Variants in MID1 observed in about 807,000 individuals in gnomAD.
MID1 encodes the protein E3 ubiquitin-protein ligase Midline-1.
In MID1, 7 loss-of-function variants were observed where a neutral mutation model predicts 40.4. The observed-to-expected ratio is 0.17, with a 90% CI of 0.10 to 0.33. The LOEUF is 0.33. MID1 is among the 10% of genes least tolerant of loss of function. The pLI is 1.00. For missense variants in MID1, 367 were observed against 558.5 expected (o/e 0.66, Z 3.46); for synonymous variants, 229 against 221.2 (o/e 1.04, Z -0.31).
At chrX:10,726,584 C>A (rs1030704706) in intron 1 of MID1, among the ~76,000 whole-genome samples, 1 of 111,433 alleles carries the variant, frequency 9.0e-6, no homozygotes. Context: ...TACTGTCTGG[C>A]AGAATTTATG....
Position 10,636,785 on chromosome X carries a change from GATATATATATATATATATATAT to G in MID1, c.-186-16388_-186-16367del, listed in dbSNP as rs60188235. Among the ~76,000 whole-genome samples, 60 of 42,712 alleles carry G rather than the reference GATATATATATATATATATATAT, an allele frequency of 1.4e-3. 2 individuals carry two copies. Among genetic ancestry groups the G allele is most frequent in the African/African-American group, 6.4e-3 (53 of 8,305 alleles). 37.1% of individuals were successfully genotyped at this position (42,712 alleles called of 115,157 possible). A position where few individuals can be genotyped will look rare whatever the true frequency, so the allele number is the denominator to read the frequency against. On this transcript the variant is annotated intron_variant, in intron 1 of 10. Transcript: ENST00000380785. ...CAAACTGGGCCATTCCAACAATGGG[GATATATATATATATATATATAT>G]ATATATATATACACCACTGGTGACT...
intron 1 of MID1, among the ~76,000 whole-genome samples, chrX:10,614,756 C>T (rs900776230): frequency 1.2e-4 from 13 of 112,189 alleles, no homozygotes; most frequent in Non-Finnish European, 2.3e-4. Flanking sequence ...AAAACTAGTA[C>T]GAACTTCCTA....
chrX:10,714,896 C>A (rs998343015), intron 1 of MID1, among the ~76,000 whole-genome samples: 1 of 112,387 alleles, frequency 8.9e-6, no homozygotes, highest in African/African-American at 3.2e-5. Flanking sequence ...AAATAAAATT[C>A]TACCACTAAC....
At chrX:10,461,633 C>G (rs1236092712) in intron 7 of MID1, among the ~76,000 whole-genome samples, 3 of 111,312 alleles carry the variant, frequency 2.7e-5, no homozygotes, top group African/African-American at 9.8e-5. Flanking sequence ...CCCAAGAGGC[C>G]TATAACTCTC....
intron 1 of MID1, among the ~76,000 whole-genome samples, chrX:10,827,950 TAGTC>T (rs1181893656): frequency 2.7e-5 from 3 of 111,129 alleles, no homozygotes; most frequent in South Asian, 7.6e-4. Flanking sequence ...GTCTAAATAA[TAGTC>T]AGCCAATAAC....
intron 1 of MID1, among the ~76,000 whole-genome samples, chrX:10,632,741 C>T (rs1936066228): frequency 9.0e-6 from 1 of 111,446 alleles, no homozygotes; most frequent in South Asian, 3.8e-4. Context: ...TCAGGTACTC[C>T]AGCCCAAGCC....
At chrX:10,794,478 A>G (rs1181110343) in intron 1 of MID1, among the ~76,000 whole-genome samples, 4 of 112,536 alleles carry the variant, frequency 3.6e-5, no homozygotes, top group Non-Finnish European at 1.9e-5. Flanking sequence ...AAGATCAACC[A>G]TCACATAGAA....
intron 1 of MID1, among the ~76,000 whole-genome samples, chrX:10,599,344 G>A (rs1246529254): frequency 1.8e-5 from 2 of 112,096 alleles, no homozygotes; most frequent in African/African-American, 3.2e-5. Context: ...CATCTAGAAC[G>A]TGTTCATTCT....
chrX:10,672,911 C>T (rs772852494), intron 1 of MID1, among the ~76,000 whole-genome samples: 1 of 110,640 alleles, frequency 9.0e-6, no homozygotes, highest in Admixed American at 9.7e-5. Flanking sequence ...GTCTTGAACT[C>T]CTAGGCTCAA....
intron 1 of MID1, among the ~76,000 whole-genome samples, chrX:10,668,738 G>A (rs1337466047): frequency 8.9e-6 from 1 of 112,332 alleles, no homozygotes; most frequent in Non-Finnish European, 1.9e-5. Flanking sequence ...CAGAACTATA[G>A]GGAAGAATAA....
At chrX:10,543,603 G>A (rs756638275) in intron 2 of MID1, among the ~76,000 whole-genome samples, 15 of 111,117 alleles carry the variant, frequency 1.3e-4, no homozygotes, top group Non-Finnish European at 2.4e-4. Flanking sequence ...AGCACTTTGG[G>A]GGGCTGAGGC....
intron 3 of MID1, among the ~76,000 whole-genome samples, chrX:10,522,775 C>T (rs1265389815): frequency 3.6e-5 from 4 of 111,409 alleles, no homozygotes; most frequent in Non-Finnish European, 5.7e-5. Flanking sequence ...GGGTTACAGG[C>T]GTGAGCCACC....
chrX:10,755,905 T>C (rs1348796161), intron 1 of MID1, among the ~76,000 whole-genome samples: 1 of 112,000 alleles, frequency 8.9e-6, no homozygotes, highest in African/African-American at 3.2e-5. Flanking sequence ...TTGCTTCTGT[T>C]TTCTGTTGCT....
rs755356450 is a variant in MID1, at chrX:10,656,280, G to T, written c.-186-35861C>A. 2.7e-5 allele frequency among the ~76,000 whole-genome samples: 3 copies of T among 111,594 alleles called. No individual in the cohort carries two copies. The East Asian group carries it at 8.6e-4, about 32-fold the overall frequency. ...ATCTCAATGTTGACATTATCCACCT[G>T]TGCTTTGTCCAGGATAAAGACACTA... On this transcript the variant is annotated intron_variant, in intron 1 of 10. Coordinates refer to the MID1 transcript ENST00000380785.
intron 3 of MID1, among the ~76,000 whole-genome samples, chrX:10,507,158 T>G: frequency 9.1e-6 from 1 of 109,477 alleles, no homozygotes; most frequent in Middle Eastern, 4.6e-3. Flanking sequence ...CCCCTTTTTT[T>G]CCTCCCCCCT....
At chrX:10,826,523 C>T (rs1275680939) in intron 1 of MID1, among the ~76,000 whole-genome samples, 5 of 111,997 alleles carry the variant, frequency 4.5e-5, no homozygotes, top group Non-Finnish European at 9.4e-5. Flanking sequence ...TTTCAAAAGA[C>T]CAATGTCATC....
At chrX:10,822,994 A>G (rs919369745) in intron 1 of MID1, among the ~76,000 whole-genome samples, 2 of 112,049 alleles carry the variant, frequency 1.8e-5, no homozygotes, top group African/African-American at 6.5e-5. Context: ...AGGAATATAA[A>G]TAATTCTGTT....
chrX:10,543,980 T>C (rs1296152975), intron 2 of MID1, among the ~76,000 whole-genome samples: 3 of 111,618 alleles, frequency 2.7e-5, no homozygotes, highest in Non-Finnish European at 5.6e-5. Flanking sequence ...CACTCCAGCC[T>C]GGGCAACAGA....
At chrX:10,658,063 T>A (rs1233659077) in intron 1 of MID1, among the ~76,000 whole-genome samples, 1 of 111,481 alleles carries the variant, frequency 9.0e-6, no homozygotes, top group Non-Finnish European at 1.9e-5. Context: ...CTGAACTGAT[T>A]GAAGAAAGAC....
Sources: gnomAD v4.1 joint callset for allele counts (sites outside exome capture counted in the v4.1 genomes callset) on GRCh38, gnomAD v4.1.1 for gene constraint, MANE v1.5 for transcripts, NCBI Gene and HGNC (gene_info 2026-07-23, HGNC 2026-07-21) for gene names.